PNPLA8: variants seen among roughly 807,000 people sequenced by gnomAD.
PNPLA8 encodes the protein patatin like domain 8, phospholipase A2, also known as calcium-independent phospholipase A2-gamma.
In PNPLA8, 39 loss-of-function variants were observed where a neutral mutation model predicts 76.9. That is an observed-to-expected ratio of 0.51 (90% CI 0.39 to 0.66). PNPLA8 has a LOEUF of 0.66. PNPLA8 is among the 30% of genes least tolerant of loss of function. The pLI, the probability that PNPLA8 is intolerant of heterozygous loss-of-function variation, is 0.00. For synonymous variants in PNPLA8, 301 were observed against 307.9 expected, an observed-to-expected ratio of 0.98 and a Z score of 0.24; for missense variants, 887 against 918.0, an observed-to-expected ratio of 0.97 and a Z score of 0.44.
At chr7:108,501,851 T>G (rs1248920716) in intron 5 of PNPLA8, among the ~76,000 whole-genome samples, 1 of 151,996 alleles carries the variant, frequency 6.6e-6, no homozygotes, top group African/African-American at 2.4e-5. Context: ...AAATGAAAGC[T>G]AAAATTATAA....
chr7:108,496,424 TA>T (rs1172410531), intron 7 of PNPLA8, 159 bp downstream of exon 7: 24 of 490,438 alleles, frequency 4.9e-5, no homozygotes, highest in African/African-American at 4.9e-4. Context: ...ACCAAAATAC[TA>T]ACAGTGGTTA....
rs529074497 is a variant in PNPLA8, at chr7:108,499,033, T to C, written c.1359-1456A>G. Among the ~76,000 whole-genome samples, 38 of 152,260 alleles carry C rather than the reference T, an allele frequency of 2.5e-4. 1 individual carries two copies. The highest frequency in any genetic ancestry group is 2.2e-3 in the Admixed American group (33 of 15,294). On this transcript the variant is annotated intron_variant, in intron 5 of 10. Transcript: ENST00000257694. ...TTTAAATACAACAAATAATGTGCAT[T>C]TGAGGAGAGTTAAGATATCTTATGA... is the stretch of plus-strand genomic sequence containing the variant.
At chr7:108,510,447 G>C (rs540637113) in intron 4 of PNPLA8, 11 of 1,460,636 alleles carry the variant, frequency 7.5e-6, no homozygotes, top group Admixed American at 1.7e-5. Flanking sequence ...CGAATGGCGA[G>C]GATGGCAAGA....
At chr7:108,518,758 T>TAC (rs149337584) in intron 2 of PNPLA8, among the ~76,000 whole-genome samples, 1,680 of 122,690 alleles carry the variant, frequency 0.014, 21 homozygotes, top group Middle Eastern at 0.039. Flanking sequence ...TATATATATA[T>TAC]ACACACACAC....
In PNPLA8 at chr7:108,491,404, G is replaced by A. The variant is rs1298347666; in HGVS notation, c.1683+6C>T. 6.3e-7 allele frequency: 1 copy of A among 1,583,208 alleles called. No individual in the cohort carries two copies. The highest frequency in any genetic ancestry group is 1.7e-5 in the Admixed American group (1 of 59,998). On this transcript the variant is annotated splice_donor_region_variant and intron_variant, in intron 8 of 10. Transcript: ENST00000257694. ...AGGTGTTATATTTAAGAGACTCTAAGCTTACCTTAGGACATGTGGGGTTTC... is the reference window on the plus strand; with the variant it reads ...AGGTGTTATATTTAAGAGACTCTAAACTTACCTTAGGACATGTGGGGTTTC...
In PNPLA8 at chr7:108,472,137, A is replaced by G. The variant is rs140199809; in HGVS notation, c.*264T>C. The stretch of plus-strand genomic sequence containing the variant: ...TCAAACATCAAACAATATAACACCA[A>G]TATCTACTAAAATCTACTAGCACAG... On this transcript the variant is annotated 3_prime_UTR_variant, in exon 11 of 11. Coordinates refer to ENST00000257694, the MANE Select transcript of PNPLA8 (RefSeq NM_001256007.3). 100 of 280,862 alleles carry G rather than the reference A, an allele frequency of 3.6e-4. 1 individual carries two copies. Among genetic ancestry groups the G allele is most frequent in the African/African-American group, 1.8e-3 (83 of 45,462 alleles). The allele number at this position is 280,862 out of a possible 1,614,324, so 17.4% of individuals were successfully genotyped here. A position where few individuals can be genotyped will look rare whatever the true frequency, so the allele number is the denominator to read the frequency against.
chr7:108,481,784 A>C (rs1404690373), intron 9 of PNPLA8, among the ~76,000 whole-genome samples: 1 of 152,170 alleles, frequency 6.6e-6, no homozygotes, highest in Non-Finnish European at 1.5e-5. Flanking sequence ...TTTCTTCTAA[A>C]AGTTTCATAG....
In PNPLA8 at chr7:108,514,797, T is replaced by C. The variant is rs1863193437; in HGVS notation, c.695A>G (p.Asp232Gly). The change falls in exon 3 of 11, where the codon GAC (aspartate) becomes GGC (glycine). Residue 232 changes from aspartate to glycine, a missense_variant. Transcript: ENST00000257694. ...SQQKENEHFR[D>G]KSELEDKKVE... ...CTTTTTATCTTCAAGTTCTGATTTG[T>C]CCCGGAAATGTTCATTTTCCTTTTG... is the stretch of plus-strand genomic sequence containing the variant. The C allele has an allele frequency of 1.2e-6, 2 of 1,613,278 alleles. No homozygotes were observed. The highest frequency in any genetic ancestry group is 2.7e-5 in the African/African-American group (2 of 74,910).
chr7:108,527,362 A>C (rs2154517441), upstream of PNPLA8, among the ~76,000 whole-genome samples: 1 of 152,220 alleles, frequency 6.6e-6, no homozygotes, highest in African/African-American at 2.4e-5. Context: ...TGCCTGGTAA[A>C]CCCCAGCAGT....
rs746783384 is a variant in PNPLA8 at position 108,515,270 on chromosome 7, T to G, written c.222A>C (p.Pro74=). Residue 74 remains proline (P), a synonymous_variant, in exon 3 of 11, where the codon CCA becomes CCC. Coordinates refer to ENST00000257694, the MANE Select transcript of PNPLA8 (RefSeq NM_001256007.3). Reference sequence around the variant, plus strand: ...TCCCAATATGTAAACCATGGTTGCTTGGAGAGTAACAGTGCTTACTGCAAG... The same window carrying G: ...TCCCAATATGTAAACCATGGTTGCTGGGAGAGTAACAGTGCTTACTGCAAG... ...AHSCSKHCYS[P]SNHGLHIGIL... 11 of 1,605,224 alleles carry G rather than the reference T, an allele frequency of 6.9e-6. No individual in the cohort carries two copies. The highest frequency in any genetic ancestry group is 9.4e-6 in the Non-Finnish European group (11 of 1,175,490).
At chr7:108,484,857 A>G (rs1860633273) in intron 9 of PNPLA8, among the ~76,000 whole-genome samples, 1 of 152,190 alleles carries the variant, frequency 6.6e-6, no homozygotes, top group African/African-American at 2.4e-5. Context: ...TATCCTTCCC[A>G]GCTAGCACAG....
chr7:108,510,025 G>T (rs1862776860), intron 4 of PNPLA8, among the ~76,000 whole-genome samples: 1 of 124,588 alleles, frequency 8.0e-6, no homozygotes, highest in African/African-American at 3.0e-5. Flanking sequence ...TGGGGACTGT[G>T]GTGGGGTGGG....
At chr7:108,510,812 T>C in intron 4 of PNPLA8, 2 of 1,600,626 alleles carry the variant, frequency 1.2e-6, no homozygotes, top group Non-Finnish European at 1.7e-6. Context: ...TCATGAGATC[T>C]ATACTGTTGG....
intron 10 of PNPLA8, among the ~76,000 whole-genome samples, chr7:108,474,393 T>C (rs1208408533): frequency 6.6e-6 from 1 of 152,116 alleles, no homozygotes; most frequent in East Asian, 1.9e-4. Context: ...TTCAGTGCCG[T>C]AAAGCATTAA....
rs750608746 is a variant in PNPLA8 at position 108,487,925 on chromosome 7, C to G, written c.1712G>C (p.Arg571Thr). The G allele has an allele frequency of 1.9e-6, 3 of 1,611,884 alleles. No homozygotes were observed. Among genetic ancestry groups the G allele is most frequent in the African/African-American group, 1.3e-5 (1 of 74,842 alleles). ...KVAAVSTIVN[R>T]GITPKAFVFR... is the part of the protein sequence containing the mutation. ...CACAAAAGCTTTGGGTGTTATCCCT[C>G]TATTTACTATGGTACTTACAGCAGC... Residue 571 changes from arginine (R) to threonine (T), a missense_variant, in exon 9 of 11, where the codon AGA (arginine) becomes ACA (threonine). Arg to Thr is a moderately conservative substitution (Grantham distance 71). Coordinates refer to ENST00000257694, the MANE Select transcript of PNPLA8 (RefSeq NM_001256007.3).
intron 4 of PNPLA8, among the ~76,000 whole-genome samples, chr7:108,509,032 G>A (rs1862682441): frequency 8.5e-6 from 1 of 117,978 alleles, no homozygotes; most frequent in Non-Finnish European, 1.8e-5. Context: ...AATTCAAGAT[G>A]GATTAAAGAT....
At chr7:108,513,717 T>C (rs1056900607) in intron 4 of PNPLA8, among the ~76,000 whole-genome samples, 15 of 152,080 alleles carry the variant, frequency 9.9e-5, no homozygotes, top group Non-Finnish European at 1.8e-4. Context: ...GATTACTAAT[T>C]CAATTATGAG....
chr7:108,486,254 A>G (rs1860729920), intron 9 of PNPLA8, among the ~76,000 whole-genome samples: 2 of 152,138 alleles, frequency 1.3e-5, no homozygotes, highest in African/African-American at 4.8e-5. Flanking sequence ...ACTAATTGGC[A>G]TAACTGCAAG....
At chr7:108,487,229 T>C (rs988849694) in intron 9 of PNPLA8, among the ~76,000 whole-genome samples, 1 of 152,226 alleles carries the variant, frequency 6.6e-6, no homozygotes, top group Admixed American at 6.5e-5. Context: ...TACTTAACTT[T>C]TCCTAAGGTG....
Sources: gnomAD v4.1 joint callset for allele counts (sites outside exome capture counted in the v4.1 genomes callset) on GRCh38, gnomAD v4.1.1 for gene constraint, MANE v1.5 for transcripts, NCBI Gene and HGNC (gene_info 2026-07-23, HGNC 2026-07-21) for gene names.